Variants in SHISA9 observed in about 807,000 individuals in gnomAD.
SHISA9 encodes the protein protein shisa-9.
A neutral mutation model predicts 38.0 loss-of-function variants in SHISA9; 13 were observed. The ratio of observed to expected loss-of-function variants is 0.34; its 90% CI spans 0.22 to 0.54. The LOEUF (loss-of-function observed/expected upper bound fraction) is 0.54. Among genes scored for constraint, SHISA9 ranks in the 20% least tolerant of loss-of-function variants. The pLI is 0.91. For synonymous variants in SHISA9, 275 were observed against 242.0 expected (o/e 1.14, Z -1.27); for missense variants, 538 against 575.8 (o/e 0.93, Z 0.67).
At chr16:13,294,569 T>A in the SHISA9 span, among the ~76,000 whole-genome samples, 4 of 152,176 alleles carry the variant, frequency 2.6e-5, no homozygotes, top group Non-Finnish European at 4.4e-5. Context: ...CATGGCCACA[T>A]CAGGGGAAAG....
chr16:13,502,776 C>T, the SHISA9 span, among the ~76,000 whole-genome samples: 2 of 152,098 alleles, frequency 1.3e-5, no homozygotes, highest in African/African-American at 4.8e-5. Flanking sequence ...ACTCGGGAGG[C>T]TGAGACACAA....
At chr16:12,994,114 G>A (rs2072426125) in intron 2 of SHISA9, among the ~76,000 whole-genome samples, 1 of 152,202 alleles carries the variant, frequency 6.6e-6, no homozygotes, top group Admixed American at 6.5e-5. Flanking sequence ...TTTCCTGAGT[G>A]AAATAGGAAT....
At chr16:13,391,043 G>C in the SHISA9 span, among the ~76,000 whole-genome samples, 2 of 152,178 alleles carry the variant, frequency 1.3e-5, no homozygotes, top group African/African-American at 4.8e-5. Context: ...GAGAGAACAG[G>C]AGTGGAGAAA....
intron 2 of SHISA9, among the ~76,000 whole-genome samples, chr16:13,141,066 C>A (rs778686406): frequency 1.3e-5 from 2 of 152,024 alleles, no homozygotes; most frequent in Non-Finnish European, 2.9e-5. Flanking sequence ...CACCGAATCC[C>A]CTTATCCTTC....
At chr16:13,283,569 A>G in the SHISA9 span, among the ~76,000 whole-genome samples, 1,206 of 152,174 alleles carry the variant, frequency 7.9e-3, 11 homozygotes, top group African/African-American at 0.027. Context: ...AAACCATCAG[A>G]TCTCGTGAGA....
chr16:13,348,859 A>G, the SHISA9 span, among the ~76,000 whole-genome samples: 5 of 151,972 alleles, frequency 3.3e-5, no homozygotes, highest in East Asian at 2.0e-4. Context: ...GAGTTCCCTC[A>G]TTTGTATACT....
the SHISA9 span, among the ~76,000 whole-genome samples, chr16:13,534,284 G>A: frequency 0.095 from 14,160 of 149,342 alleles, 832 homozygotes; most frequent in East Asian, 0.19. Flanking sequence ...GAGTGCAGTG[G>A]TGCGATCTCA....
At chr16:13,302,546 C>G in the SHISA9 span, among the ~76,000 whole-genome samples, 1 of 152,160 alleles carries the variant, frequency 6.6e-6, no homozygotes, top group Admixed American at 6.5e-5. Context: ...CAGACTCTCT[C>G]CATGAACTAA....
chr16:13,474,852 G>A, the SHISA9 span, among the ~76,000 whole-genome samples: 11 of 152,250 alleles, frequency 7.2e-5, no homozygotes, highest in Non-Finnish European at 1.2e-4. Flanking sequence ...TGAAAAGATC[G>A]TGGTGAGTTG....
chr16:13,478,534 T>G, the SHISA9 span, among the ~76,000 whole-genome samples: 2 of 152,158 alleles, frequency 1.3e-5, no homozygotes, highest in African/African-American at 4.8e-5. Flanking sequence ...GTGCATCAGT[T>G]CCTGCAGCTG....
intron 2 of SHISA9, among the ~76,000 whole-genome samples, chr16:13,001,806 C>T (rs1411881189): frequency 6.6e-6 from 1 of 152,054 alleles, no homozygotes; most frequent in African/African-American, 2.4e-5. Flanking sequence ...GAAAAATATA[C>T]TGGTGTCTGC....
At chr16:13,523,911 C>T in the SHISA9 span, among the ~76,000 whole-genome samples, 1 of 152,136 alleles carries the variant, frequency 6.6e-6, no homozygotes, top group African/African-American at 2.4e-5. Context: ...TATGCATTGT[C>T]CTCTTTGATC....
At chr16:13,311,799 C>G in the SHISA9 span, among the ~76,000 whole-genome samples, 2 of 152,114 alleles carry the variant, frequency 1.3e-5, no homozygotes, top group African/African-American at 4.8e-5. Context: ...ATTCCTTCCT[C>G]TACTACTTAC....
At chr16:13,265,418 C>T in the SHISA9 span, among the ~76,000 whole-genome samples, 9 of 121,770 alleles carry the variant, frequency 7.4e-5, no homozygotes, top group African/African-American at 2.6e-4. Context: ...TCTCCTCCCC[C>T]CTCCCCTCCT....
At chr16:13,155,594 G>A (rs1345373699) in intron 2 of SHISA9, among the ~76,000 whole-genome samples, 2 of 151,874 alleles carry the variant, frequency 1.3e-5, no homozygotes, top group African/African-American at 4.8e-5. Flanking sequence ...TGTGTGGTGT[G>A]TGTGTGTGTG....
At chr16:12,970,404 CATAT>C (rs1265670441) in intron 2 of SHISA9, among the ~76,000 whole-genome samples, 365 of 11,720 alleles carry the variant, frequency 0.031, 18 homozygotes, top group Non-Finnish European at 0.057. Context: ...TATATATATA[CATAT>C]ATATATATAC....
chr16:13,090,728 C>T (rs2073766019), intron 2 of SHISA9, among the ~76,000 whole-genome samples: 1 of 152,202 alleles, frequency 6.6e-6, no homozygotes, highest in South Asian at 2.1e-4. Context: ...TTGAATACAG[C>T]ACACAGATGG....
At chr16:13,473,349 C>CTTTTTTTTTTTTTTTTTTTTTTTTTT in the SHISA9 span, among the ~76,000 whole-genome samples, 2 of 73,904 alleles carry the variant, frequency 2.7e-5, no homozygotes, top group Admixed American at 1.6e-4. Flanking sequence ...TTCTTTCTTT[C>CTTTTTTTTTTTTTTTTTTTTTTTTTT]TTTTTTTTTT....
At chr16:13,496,410 T>C in the SHISA9 span, among the ~76,000 whole-genome samples, 29 of 152,214 alleles carry the variant, frequency 1.9e-4, no homozygotes, top group African/African-American at 6.3e-4. Context: ...TAAAATTTAG[T>C]ACAACTAGAA....
Sources: allele counts gnomAD v4.1 joint callset (sites outside exome capture counted in the v4.1 genomes callset), GRCh38; gene constraint gnomAD v4.1.1; transcripts MANE v1.5; gene names NCBI Gene and HGNC (gene_info 2026-07-23, HGNC 2026-07-21).